The following AGAP1 variants were observed in gnomAD, a reference collection of about 807,000 sequenced individuals.
AGAP1 encodes arf-GAP with GTPase, ANK repeat and PH domain-containing protein 1.
Under a neutral mutation model 105.3 loss-of-function variants are expected in AGAP1, and 29 were observed. The observed-to-expected ratio is 0.28, with a 90% CI of 0.21 to 0.38. AGAP1 has a LOEUF of 0.38. AGAP1 is among the 10% of genes least tolerant of loss of function. The pLI is 1.00. For synonymous variants in AGAP1, 509 were observed against 485.9 expected (o/e 1.05, Z -0.63); for missense variants, 998 against 1,165.1 (o/e 0.86, Z 2.09).
At chr2:235,528,066 A>G (rs1218859244) in intron 1 of AGAP1, among the ~76,000 whole-genome samples, 3 of 152,198 alleles carry the variant, frequency 2.0e-5, no homozygotes, top group East Asian at 3.8e-4. Context: ...TAACCTCATT[A>G]GGCTCTTTGT....
intron 1 of AGAP1, among the ~76,000 whole-genome samples, chr2:235,647,689 A>T (rs1947437351): frequency 6.6e-6 from 1 of 152,108 alleles, no homozygotes; most frequent in African/African-American, 2.4e-5. Flanking sequence ...TGCCTGGCTG[A>T]GGAATCACAT....
intron 9 of AGAP1, among the ~76,000 whole-genome samples, chr2:235,828,425 T>C (rs570727465): frequency 6.6e-6 from 1 of 152,182 alleles, no homozygotes; most frequent in Non-Finnish European, 1.5e-5. Flanking sequence ...ACAGAATGAA[T>C]GCTCAGAGAA....
intron 1 of AGAP1, among the ~76,000 whole-genome samples, chr2:235,496,606 C>T (rs528954906): frequency 6.6e-6 from 1 of 152,220 alleles, no homozygotes; most frequent in African/African-American, 2.4e-5. Context: ...CTGAGAGCCT[C>T]TTTTGCTGCA....
intron 1 of AGAP1, among the ~76,000 whole-genome samples, chr2:235,602,655 T>G (rs971577319): frequency 1.3e-5 from 2 of 152,184 alleles, no homozygotes; most frequent in African/African-American, 4.8e-5. Flanking sequence ...CCACAGTTCC[T>G]CTTATCCTGT....
In AGAP1 at chr2:235,586,533, C is replaced by T. The variant is rs1255823689; in HGVS notation, c.163+91684C>T. ...ATTTTGAGTGCTCCTTATGTCCATG[C>T]AGAGGCTGACTCCAGAGGATGCTGT... On this transcript the variant is annotated intron_variant, in intron 1 of 17. Coordinates refer to ENST00000304032, the MANE Select transcript of AGAP1 (RefSeq NM_001037131.3). The surrounding 1 kb of genome is among the most constrained non-coding windows in gnomAD (Gnocchi z 4.2). Among the ~76,000 whole-genome samples, 3 of 152,208 alleles carry T rather than the reference C, an allele frequency of 2.0e-5. No homozygotes were observed. Among genetic ancestry groups the T allele is most frequent in the Admixed American group, 1.3e-4 (2 of 15,280 alleles).
In AGAP1 at chr2:235,559,655, C is replaced by T. The variant is rs1373393143; in HGVS notation, c.163+64806C>T. Among the ~76,000 whole-genome samples, 7 of 152,022 alleles carry T rather than the reference C, an allele frequency of 4.6e-5. No individual in the cohort carries two copies. The highest frequency in any genetic ancestry group is 1.2e-4 in the African/African-American group (5 of 41,392). On this transcript the variant is annotated intron_variant, in intron 1 of 17. Transcript: ENST00000304032. This position sits in a 1 kb window ranked among gnomAD's most constrained non-coding sequence, Gnocchi z 5.7. The stretch of plus-strand genomic sequence containing the variant: ...TAGCCTCCCAGAAATTTTCTATACC[C>T]CTGAAATTTAACATTTTGGTGGGTA...
rs371504213 is a variant in AGAP1, at chr2:235,764,023, C to T, written c.673+13535C>T. The stretch of plus-strand genomic sequence containing the variant: ...GATCCGTGCGTGGCTGTGACCCGTG[C>T]GTGGCTTTGGCCCGTGCGTGGCTCC... On this transcript the variant is annotated intron_variant, in intron 6 of 17. Coordinates refer to ENST00000304032, the MANE Select transcript of AGAP1 (RefSeq NM_001037131.3). 2.5e-4 allele frequency among the ~76,000 whole-genome samples: 38 copies of T among 152,048 alleles called. No individual in the cohort carries two copies. The East Asian group carries it at 5.4e-3, about 22-fold the overall frequency.
Position 235,849,064 on chromosome 2 carries a change from C to A in AGAP1, c.1051-34281C>A, listed in dbSNP as rs1961849656. ...GCTGGTTAATTCTGGTGTTATTTAC[C>A]CTGTAATTCATTAGTTTCACCCCAC... On this transcript the variant is annotated intron_variant, in intron 9 of 17. Transcript: ENST00000304032. 3.3e-5 allele frequency among the ~76,000 whole-genome samples: 5 copies of A among 152,206 alleles called. No homozygotes were observed. In the South Asian group the frequency reaches 1.0e-3, roughly 32 times the overall value.
chr2:236,059,396 G>A (rs984289372), intron 16 of AGAP1, among the ~76,000 whole-genome samples: 16 of 152,300 alleles, frequency 1.1e-4, no homozygotes, highest in African/African-American at 3.6e-4. Flanking sequence ...TCAAATCGAT[G>A]TACAGAGTCG....
At chr2:235,763,451 C>A (rs1361490547) in intron 6 of AGAP1, among the ~76,000 whole-genome samples, 6 of 152,186 alleles carry the variant, frequency 3.9e-5, no homozygotes, top group Non-Finnish European at 7.3e-5. Context: ...TCCAATTAGA[C>A]ATTTGGTTGG....
At chr2:235,695,729 G>A (rs1192417205) in intron 1 of AGAP1, among the ~76,000 whole-genome samples, 1 of 152,176 alleles carries the variant, frequency 6.6e-6, no homozygotes. Flanking sequence ...GGTGAAAGAG[G>A]TAAGAGGTAA....
rs76755948 is a variant in AGAP1, at chr2:235,527,731, C to T, written c.163+32882C>T. ...TTTGTGTTCGTTGTAGGATTATTCA[C>T]GGTAGAAACAGGGTGGAAAAAAATG... On this transcript the variant is annotated intron_variant, in intron 1 of 17. Coordinates refer to ENST00000304032, the MANE Select transcript of AGAP1 (RefSeq NM_001037131.3). Among the ~76,000 whole-genome samples the T allele has an allele frequency of 2.9e-3, 448 of 152,226 alleles. 4 individuals carry two copies. Among genetic ancestry groups the T allele is most frequent in the African/African-American group, 6.4e-3 (265 of 41,534 alleles).
intron 1 of AGAP1, among the ~76,000 whole-genome samples, chr2:235,644,572 C>G (rs755780986): frequency 6.6e-6 from 1 of 152,148 alleles, no homozygotes; most frequent in Non-Finnish European, 1.5e-5. Context: ...TTTCTCTGCA[C>G]TTGGAGGGAA....
chr2:235,886,549 A>G (rs1404813769), intron 10 of AGAP1, among the ~76,000 whole-genome samples: 1 of 152,128 alleles, frequency 6.6e-6, no homozygotes, highest in Non-Finnish European at 1.5e-5. Context: ...TGCCAATTCC[A>G]TCCTTTCTCC....
In AGAP1 at chr2:236,050,384, A is replaced by G. The variant is rs892589703; in HGVS notation, c.2114+1103A>G. On this transcript the variant is annotated intron_variant, in intron 16 of 17. Transcript: ENST00000304032. This position sits in a 1 kb window ranked among gnomAD's most constrained non-coding sequence, Gnocchi z 4.0. ...TCTTTGGTAGTGGGGAGGACAGGAA[A>G]GGTGCAAAGAACATATTTGTTTAAA... Among the ~76,000 whole-genome samples, 5 of 152,214 alleles carry G rather than the reference A, an allele frequency of 3.3e-5. No homozygotes were observed. The highest frequency in any genetic ancestry group is 1.2e-4 in the African/African-American group (5 of 41,454).
chr2:235,683,727 T>C (rs1949219810), intron 1 of AGAP1, among the ~76,000 whole-genome samples: 1 of 151,856 alleles, frequency 6.6e-6, no homozygotes, highest in African/African-American at 2.4e-5. Context: ...TTTTAAGTTC[T>C]AGGGTTACAG....
intron 1 of AGAP1, among the ~76,000 whole-genome samples, chr2:235,624,593 G>A (rs1946581487): frequency 6.6e-6 from 1 of 152,178 alleles, no homozygotes; most frequent in South Asian, 2.1e-4. Context: ...TAAAGTGTAT[G>A]TGCGTGTGTG....
At position 235,740,317 on chromosome 2, in the gene AGAP1, G is replaced by A. The variant is rs1172806278; in HGVS notation, c.311-646G>A. On this transcript the variant is annotated intron_variant, in intron 3 of 17. Coordinates refer to ENST00000304032, the MANE Select transcript of AGAP1 (RefSeq NM_001037131.3). This position sits in a 1 kb window ranked among gnomAD's most constrained non-coding sequence, Gnocchi z 5.7. The stretch of plus-strand genomic sequence containing the variant: ...ACCTCTGTTCCTGCAGGGTCCCGGT[G>A]GTCTCCCGCTAACCCCGCGTGGTCT... Among the ~76,000 whole-genome samples the A allele has an allele frequency of 6.6e-6, 1 of 152,072 alleles. No homozygotes were observed. Among genetic ancestry groups the A allele is most frequent in the East Asian group, 1.9e-4 (1 of 5,170 alleles).
chr2:235,693,361 C>T (rs527282623), intron 1 of AGAP1, among the ~76,000 whole-genome samples: 4 of 152,250 alleles, frequency 2.6e-5, no homozygotes, highest in Admixed American at 6.5e-5. Flanking sequence ...TATGATTGGA[C>T]GTGTTCTGCC....
Sources: allele counts gnomAD v4.1 joint callset (sites outside exome capture counted in the v4.1 genomes callset), GRCh38; gene constraint gnomAD v4.1.1; non-coding constraint Gnocchi (gnomAD v3.1); transcripts MANE v1.5; gene names NCBI Gene and HGNC (gene_info 2026-07-23, HGNC 2026-07-21).